RSU1: variants seen among roughly 807,000 people sequenced by gnomAD.
RSU1 encodes the protein Ras suppressor protein 1.
Under a neutral mutation model 31.1 loss-of-function variants are expected in RSU1, and 26 were observed. The ratio of observed to expected loss-of-function variants is 0.84; its 90% CI spans 0.61 to 1.16. RSU1 has a LOEUF of 1.16. Among genes scored for constraint, RSU1 ranks in the 50% most tolerant of loss-of-function variants. The pLI is 0.00. For synonymous variants in RSU1, 164 were observed against 136.3 expected (o/e 1.20, Z -1.41); for missense variants, 320 against 339.1 (o/e 0.94, Z 0.44).
chr10:16,801,726 CGAAA>C (rs1838159061), intron 2 of RSU1, among the ~76,000 whole-genome samples: 1 of 151,670 alleles, frequency 6.6e-6, no homozygotes, highest in Non-Finnish European at 1.5e-5. Flanking sequence ...AGAAATCAAA[CGAAA>C]GATAGCTGAA....
chr10:16,815,783 G>A (rs774895011), intron 2 of RSU1, among the ~76,000 whole-genome samples: 6 of 152,176 alleles, frequency 3.9e-5, no homozygotes, highest in East Asian at 1.9e-4. Context: ...TGGTGCAGAC[G>A]GATAAGGTTT....
At chr10:16,744,534 A>G in intron 7 of RSU1, among the ~76,000 whole-genome samples, 1 of 152,194 alleles carries the variant, frequency 6.6e-6, no homozygotes, top group East Asian at 1.9e-4. Flanking sequence ...AAGTGAGTCT[A>G]ATCAGTTACT....
chr10:16,652,621 T>G (rs1425607884), intron 8 of RSU1, among the ~76,000 whole-genome samples: 1 of 152,112 alleles, frequency 6.6e-6, no homozygotes, highest in Non-Finnish European at 1.5e-5. Context: ...AAAAAAGAAC[T>G]CATAAACATG....
chr10:16,705,923 C>T (rs1835890418), intron 7 of RSU1, among the ~76,000 whole-genome samples: 2 of 152,166 alleles, frequency 1.3e-5, no homozygotes, highest in African/African-American at 4.8e-5. Context: ...ATTATAGGCA[C>T]ACACCACCAC....
intron 3 of RSU1, among the ~76,000 whole-genome samples, chr10:16,781,150 C>G (rs1371902671): frequency 6.6e-6 from 1 of 152,118 alleles, no homozygotes; most frequent in African/African-American, 2.4e-5. Flanking sequence ...ATTAGAAAAT[C>G]ATTCAAGTCT....
Position 16,752,959 on chromosome 10 carries a change from T to A in RSU1, c.442A>T (p.Ile148Phe). 1 of 1,613,954 alleles carries A rather than the reference T, an allele frequency of 6.2e-7. No individual in the cohort carries two copies. The highest frequency in any genetic ancestry group is 1.1e-5 in the South Asian group (1 of 91,072). ...ALYLSDNDFE[I>F]LPPDIGKLTK... ...AGCTTCCCAATATCTGGCGGCAGGA[T>A]TTCAAAATCGTTGTCACTTAGATAG... is the stretch of plus-strand genomic sequence containing the variant. Residue 148 changes from isoleucine (I) to phenylalanine (F), a missense_variant, in exon 6 of 9, where the codon ATC (isoleucine) becomes TTC (phenylalanine). Ile to Phe is a conservative substitution (Grantham distance 21). Coordinates refer to ENST00000345264, the MANE Select transcript of RSU1 (RefSeq NM_012425.4).
At position 16,817,096 on chromosome 10, in the gene RSU1, A is replaced by T; in HGVS notation, c.-3-12T>A. ...GACTTGGACATGGTCTGCACCGAAC[A>T]ACAACAAAGCACGTGGGCGATGACA... is the stretch of plus-strand genomic sequence containing the variant. On this transcript the variant is annotated splice_polypyrimidine_tract_variant and intron_variant, in intron 1 of 8. Coordinates refer to ENST00000345264, the MANE Select transcript of RSU1 (RefSeq NM_012425.4). 1 of 1,583,680 alleles carries T rather than the reference A, an allele frequency of 6.3e-7. No homozygotes were observed. Among genetic ancestry groups the T allele is most frequent in the Non-Finnish European group, 8.7e-7 (1 of 1,152,196 alleles).
intron 2 of RSU1, among the ~76,000 whole-genome samples, chr10:16,784,633 T>C (rs1837732918): frequency 6.6e-6 from 1 of 152,212 alleles, no homozygotes; most frequent in Non-Finnish European, 1.5e-5. Flanking sequence ...CAGTTCCATA[T>C]GGCTGGGAAG....
intron 7 of RSU1, among the ~76,000 whole-genome samples, chr10:16,707,443 C>T (rs924635916): frequency 1.3e-5 from 2 of 152,004 alleles, no homozygotes; most frequent in Admixed American, 6.6e-5. Flanking sequence ...GGTATTTTAT[C>T]GTGGTTCTGA....
intron 8 of RSU1, among the ~76,000 whole-genome samples, chr10:16,631,339 A>G (rs1042545116): frequency 2.0e-5 from 3 of 152,202 alleles, no homozygotes; most frequent in African/African-American, 7.2e-5. Flanking sequence ...GCGCACTGGC[A>G]CTGGGGCCTG....
At chr10:16,707,679 C>T (rs555467359) in intron 7 of RSU1, among the ~76,000 whole-genome samples, 15 of 151,982 alleles carry the variant, frequency 9.9e-5, no homozygotes, top group African/African-American at 3.6e-4. Flanking sequence ...CTCTTCACTC[C>T]GTCAATAGCT....
intron 2 of RSU1, among the ~76,000 whole-genome samples, chr10:16,786,660 C>G (rs1382839850): frequency 1.3e-5 from 2 of 152,140 alleles, no homozygotes; most frequent in African/African-American, 4.8e-5. Context: ...AAACACCCTA[C>G]GTTCACCCCA....
intron 8 of RSU1, among the ~76,000 whole-genome samples, chr10:16,625,158 CTT>C (rs1834133714): frequency 6.6e-6 from 1 of 152,182 alleles, no homozygotes; most frequent in Non-Finnish European, 1.5e-5. Context: ...CACTTGTACT[CTT>C]TTACTGCAAG....
intron 8 of RSU1, among the ~76,000 whole-genome samples, chr10:16,603,582 C>T (rs1303374748): frequency 2.0e-5 from 3 of 152,218 alleles, no homozygotes; most frequent in Non-Finnish European, 4.4e-5. Context: ...AAATCAATAA[C>T]TGCACCTTGC....
chr10:16,752,886 T>G (rs568886014), intron 6 of RSU1, 32 bp downstream of exon 6: 1 of 1,580,774 alleles, frequency 6.3e-7, no homozygotes, highest in Non-Finnish European at 8.7e-7. Context: ...AGCAGTGAAT[T>G]GATTTTCTAA....
At chr10:16,734,482 G>C (rs1271772216) in intron 7 of RSU1, among the ~76,000 whole-genome samples, 1 of 152,192 alleles carries the variant, frequency 6.6e-6, no homozygotes, top group African/African-American at 2.4e-5. Context: ...CTGCACTAAA[G>C]GGCACATGCG....
chr10:16,802,076 A>C (rs929832172), intron 2 of RSU1, among the ~76,000 whole-genome samples: 2 of 151,992 alleles, frequency 1.3e-5, no homozygotes. Context: ...TATTAATAAA[A>C]ATTAGGGCAG....
intron 8 of RSU1, among the ~76,000 whole-genome samples, chr10:16,595,918 A>G (rs139395538): frequency 0.018 from 2,764 of 152,186 alleles, 95 homozygotes; most frequent in African/African-American, 0.064. Flanking sequence ...GCAGTGAGCT[A>G]AGATCACACC....
At chr10:16,672,150 A>C (rs1297448579) in intron 8 of RSU1, among the ~76,000 whole-genome samples, 4 of 150,854 alleles carry the variant, frequency 2.7e-5, no homozygotes, top group Non-Finnish European at 5.9e-5. Context: ...TACAAAAAAA[A>C]AAAAAAAAAA....
Sources: allele counts gnomAD v4.1 joint callset (sites outside exome capture counted in the v4.1 genomes callset), GRCh38; gene constraint gnomAD v4.1.1; transcripts MANE v1.5; gene names NCBI Gene and HGNC (gene_info 2026-07-23, HGNC 2026-07-21).